The following TMEM223 variants were observed in gnomAD, a reference collection of about 807,000 sequenced individuals.
TMEM223 encodes the protein transmembrane protein 223.
A neutral mutation model predicts 14.1 loss-of-function variants in TMEM223; 14 were observed. The observed-to-expected ratio is 0.99, with a 90% confidence interval of 0.66 to 1.55. TMEM223 has a LOEUF of 1.55. Ranked by LOEUF, TMEM223 falls within the 40% of genes most tolerant of loss-of-function variation. The pLI is 0.00. For missense variants in TMEM223, 346 were observed against 269.9 expected (o/e 1.28, Z -1.97); for synonymous variants, 145 against 120.5 (o/e 1.20, Z -1.33).
downstream of TMEM223, chr11:62,787,515 G>A: frequency 6.3e-7 from 1 of 1,575,770 alleles, no homozygotes; most frequent in South Asian, 1.1e-5. Context: ...CCGCGGCGAT[G>A]ACTCGGACCC....
downstream of TMEM223, chr11:62,786,094 C>T (rs2084272177): frequency 1.3e-6 from 1 of 799,570 alleles, no homozygotes; most frequent in Non-Finnish European, 2.0e-6. Context: ...CTTAGGTATA[C>T]AGTAGGTTCC....
intron 1 of TMEM223, among the ~76,000 whole-genome samples, chr11:62,775,247 C>T (rs181058467): frequency 5.9e-5 from 9 of 152,140 alleles, no homozygotes; most frequent in Middle Eastern, 3.4e-3. Context: ...TTTATAAAAC[C>T]ATTAGATCTT....
rs915594973 is a variant in TMEM223 at position 62,791,939 on chromosome 11, A to T, written c.56T>A (p.Leu19Gln). The T allele has an allele frequency of 6.3e-7, 1 of 1,592,550 alleles. No homozygotes were observed. Among genetic ancestry groups the T allele is most frequent in the African/African-American group, 1.3e-5 (1 of 74,482 alleles). Residue 19 changes from leucine (L) to glutamine (Q), a missense_variant, in exon 1 of 2, where the codon CTG becomes CAG. Transcript: ENST00000307366. ...GCCTTGCAGGGGCCGGCAGGTGAGC[A>T]GGGGCCGCAGCACGGCTAGCAGCCC... ...PTGLLAVLRP[L>Q]LTCRPLQGTT...
chr11:62,780,018 T>C (rs1373192601), intron 1 of TMEM223, among the ~76,000 whole-genome samples: 1 of 142,240 alleles, frequency 7.0e-6, no homozygotes, highest in East Asian at 2.1e-4. Context: ...CTCACTGTAT[T>C]GCCCAGGCTG....
In TMEM223 at chr11:62,790,552, AAC is replaced by A. The variant is rs2084348923; in HGVS notation, c.*69_*70del. 3.5e-6 allele frequency: 5 copies of A among 1,417,700 alleles called. No homozygotes were observed. The highest frequency in any genetic ancestry group is 3.8e-6 in the Non-Finnish European group (4 of 1,042,174). 87.8% of individuals were successfully genotyped at this position (1,417,700 alleles called of 1,614,324 possible). On this transcript the variant is annotated 3_prime_UTR_variant, in exon 2 of 2. Transcript: ENST00000307366. ...GCTGGGATTACAACAGGTGTGAACC[AAC>A]ACACCTGGCTCCCCAAGGTTCAGTT...
chr11:62,789,099 C>T (rs1482177867), downstream of TMEM223: 5 of 1,614,128 alleles, frequency 3.1e-6, no homozygotes, highest in Non-Finnish European at 4.2e-6. Flanking sequence ...TCCCGTCCCT[C>T]AGCACCATCC....
rs143268991 is a variant in TMEM223, at chr11:62,790,004, C to G, written c.*619G>C. 2.7e-4 allele frequency: 437 copies of G among 1,614,034 alleles called. No homozygotes were observed. The highest frequency in any genetic ancestry group is 3.5e-4 in the Non-Finnish European group (409 of 1,179,968). ...GAGAGGGGTGACCCTGAGTGGAGCTCTGAGACAGATGCTCTCGTTGGGTCA... is the reference window on the plus strand; with the variant it reads ...GAGAGGGGTGACCCTGAGTGGAGCTGTGAGACAGATGCTCTCGTTGGGTCA... On this transcript the variant is annotated 3_prime_UTR_variant, in exon 2 of 2. Transcript: ENST00000307366.
downstream of TMEM223, chr11:62,788,880 C>A: frequency 1.1e-6 from 1 of 923,448 alleles, no homozygotes; most frequent in East Asian, 2.5e-5. Flanking sequence ...ATCAATATCC[C>A]TGTCCCAGAA....
intron 1 of TMEM223, among the ~76,000 whole-genome samples, chr11:62,791,289 G>T (rs1264928122): frequency 6.6e-6 from 1 of 151,846 alleles, no homozygotes; most frequent in African/African-American, 2.4e-5. Context: ...GGGGAGTCTC[G>T]CTCGGTCGCT....
intron 1 of TMEM223, chr11:62,781,688 TC>T: frequency 2.1e-6 from 1 of 473,878 alleles, no homozygotes; most frequent in East Asian, 4.1e-5. Flanking sequence ...AGTTGGACAT[TC>T]AGGTTGTATT....
intron 2 of TMEM223, among the ~76,000 whole-genome samples, chr11:62,773,448 A>AT (rs112592058): frequency 0.017 from 2,348 of 135,638 alleles, 24 homozygotes; most frequent in Non-Finnish European, 0.019. Context: ...CCGGCCTACA[A>AT]TTTTTTTTTT....
downstream of TMEM223, chr11:62,787,131 G>A (rs780749106): frequency 6.4e-7 from 1 of 1,562,604 alleles, no homozygotes; most frequent in East Asian, 2.4e-5. Context: ...CCGGGCGGCA[G>A]GCTGGGAGGC....
chr11:62,780,838 G>A (rs2084223734), intron 1 of TMEM223, among the ~76,000 whole-genome samples: 1 of 150,530 alleles, frequency 6.6e-6, no homozygotes, highest in South Asian at 2.1e-4. Context: ...TTGCGAGGCT[G>A]ATGCAGGAGA....
chr11:62,771,404 TGA>T (rs1445940933), downstream of TMEM223: 1 of 153,444 alleles, frequency 6.5e-6, no homozygotes, highest in East Asian at 1.9e-4. Flanking sequence ...GGAGAGGGAA[TGA>T]GTGTGAGCTC....
At chr11:62,780,948 A>G in intron 1 of TMEM223, among the ~76,000 whole-genome samples, 1 of 129,060 alleles carries the variant, frequency 7.7e-6, no homozygotes, top group East Asian at 2.4e-4. Context: ...AAAAAAAAAA[A>G]AAAAGGGCCG....
chr11:62,779,381 G>C (rs1240418256), intron 1 of TMEM223, among the ~76,000 whole-genome samples: 1 of 152,058 alleles, frequency 6.6e-6, no homozygotes, highest in African/African-American at 2.4e-5. Context: ...TTTTTTAGTA[G>C]AGACGGGGTT....
downstream of TMEM223, chr11:62,789,331 T>G: frequency 6.2e-7 from 1 of 1,614,060 alleles, no homozygotes; most frequent in Non-Finnish European, 8.5e-7. Context: ...CCATCTCAGC[T>G]ATAGCCGTCT....
At chr11:62,778,838 C>G (rs767892410) in intron 1 of TMEM223, 6 of 1,599,312 alleles carry the variant, frequency 3.8e-6, no homozygotes, top group Non-Finnish European at 5.1e-6. Flanking sequence ...AGCTCTCCAC[C>G]TGTCCCTGCT....
downstream of TMEM223, chr11:62,787,591 CTT>C: frequency 6.9e-7 from 1 of 1,443,048 alleles, no homozygotes; most frequent in East Asian, 2.5e-5. Context: ...GGCGAGGCCA[CTT>C]TCGCTTTCCG....
Sources: gnomAD v4.1 joint callset for allele counts (sites outside exome capture counted in the v4.1 genomes callset) on GRCh38, gnomAD v4.1.1 for gene constraint, MANE v1.5 for transcripts, NCBI Gene and HGNC (gene_info 2026-07-23, HGNC 2026-07-21) for gene names.